The following MEOX2 variants were observed in gnomAD, a reference collection of about 807,000 sequenced individuals.
MEOX2 encodes homeobox protein MOX-2.
In MEOX2, 11 loss-of-function variants were observed where a neutral mutation model predicts 27.0. The observed-to-expected ratio is 0.41, with a 90% CI of 0.26 to 0.68. The LOEUF is 0.68. MEOX2 is among the 30% of genes least tolerant of loss of function. The pLI, the probability that MEOX2 is intolerant of heterozygous loss-of-function variation, is 0.33. For synonymous variants in MEOX2, 189 were observed against 155.4 expected, an observed-to-expected ratio of 1.22 and a Z score of -1.61; for missense variants, 436 against 385.4, an observed-to-expected ratio of 1.13 and a Z score of -1.10.
chr7:15,620,168 G>A (rs1225040259), intron 2 of MEOX2, among the ~76,000 whole-genome samples: 1 of 151,936 alleles, frequency 6.6e-6, no homozygotes, highest in Non-Finnish European at 1.5e-5. Context: ...ACCAGTTGTA[G>A]TCAAATTATT....
intron 1 of MEOX2, among the ~76,000 whole-genome samples, chr7:15,667,289 C>CAAAAAAAAAAAAAAA (rs532691969): frequency 0.1 from 4,072 of 40,832 alleles, 975 homozygotes; most frequent in Non-Finnish European, 0.12. Flanking sequence ...GACTCTGTCT[C>CAAAAAAAAAAAAAAA]AAAAAAAAAA....
At chr7:15,672,719 C>T (rs1036210290) in intron 1 of MEOX2, among the ~76,000 whole-genome samples, 2 of 151,800 alleles carry the variant, frequency 1.3e-5, no homozygotes, top group Non-Finnish European at 2.9e-5. Flanking sequence ...GGTGAAACCC[C>T]ATCTCTACTA....
At chr7:15,666,877 C>A (rs2115387863) in intron 1 of MEOX2, among the ~76,000 whole-genome samples, 1 of 146,066 alleles carries the variant, frequency 6.8e-6, no homozygotes, top group East Asian at 2.0e-4. Flanking sequence ...ATTCCAGGAA[C>A]CCAAAAGCCA....
intron 1 of MEOX2, among the ~76,000 whole-genome samples, chr7:15,671,357 T>C (rs1173110234): frequency 6.6e-6 from 1 of 152,214 alleles, no homozygotes; most frequent in African/African-American, 2.4e-5. Context: ...GAGTCATTGG[T>C]AACCAAACTG....
At chr7:15,655,041 A>G (rs1781797012) in intron 1 of MEOX2, among the ~76,000 whole-genome samples, 1 of 151,746 alleles carries the variant, frequency 6.6e-6, no homozygotes, top group Admixed American at 6.6e-5. Flanking sequence ...TTTTTAAATC[A>G]TAAATTCAAT....
chr7:15,613,861 T>A (rs9638727), intron 2 of MEOX2, among the ~76,000 whole-genome samples: 100,910 of 151,672 alleles, frequency 0.67, 33,818 homozygotes, highest in East Asian at 0.81. Context: ...TTTTTCTATA[T>A]GTAATGCTGC....
intron 1 of MEOX2, among the ~76,000 whole-genome samples, chr7:15,633,789 G>C (rs1781439419): frequency 6.6e-6 from 1 of 151,658 alleles, no homozygotes; most frequent in Non-Finnish European, 1.5e-5. Flanking sequence ...TAGACTCTGG[G>C]TAACTTATGA....
At chr7:15,682,809 T>C (rs772926026) in intron 1 of MEOX2, among the ~76,000 whole-genome samples, 3 of 151,982 alleles carry the variant, frequency 2.0e-5, no homozygotes, top group Non-Finnish European at 2.9e-5. Context: ...TCAGCAGTTG[T>C]AAAGTTTTGA....
rs1208296435 is a variant in MEOX2 at position 15,612,294 on chromosome 7, T to C, written c.*93A>G. 1 of 982,104 alleles carries C rather than the reference T, an allele frequency of 1.0e-6. No individual in the cohort carries two copies. Among genetic ancestry groups the C allele is most frequent in the Non-Finnish European group, 1.6e-6 (1 of 620,186 alleles). The allele number at this position is 982,104 out of a possible 1,614,324, so 60.8% of individuals were successfully genotyped here. A position where few individuals can be genotyped will look rare whatever the true frequency, so the allele number is the denominator to read the frequency against. ...TGGATTTAATAATATTAAACATCAC[T>C]GCCATAGTCATCTCTCTGTGTAAAC... On this transcript the variant is annotated 3_prime_UTR_variant, in exon 3 of 3. Coordinates refer to ENST00000262041, the MANE Select transcript of MEOX2 (RefSeq NM_005924.5).
chr7:15,625,081 A>T (rs1451962765), intron 2 of MEOX2, among the ~76,000 whole-genome samples: 1 of 152,190 alleles, frequency 6.6e-6, no homozygotes, highest in African/African-American at 2.4e-5. Flanking sequence ...CTGAGAGCAC[A>T]GTACTGGATC....
intron 1 of MEOX2, among the ~76,000 whole-genome samples, chr7:15,651,836 A>G (rs1407999706): frequency 6.6e-6 from 1 of 152,068 alleles, no homozygotes; most frequent in East Asian, 1.9e-4. Context: ...CTTCAAAGCC[A>G]TACATGATTT....
chr7:15,675,619 G>T (rs1487187894), intron 1 of MEOX2, among the ~76,000 whole-genome samples: 1 of 152,176 alleles, frequency 6.6e-6, no homozygotes, highest in African/African-American at 2.4e-5. Context: ...CCTCATCTAG[G>T]AAATACATTC....
chr7:15,674,798 G>C (rs1386520282), intron 1 of MEOX2, among the ~76,000 whole-genome samples: 1 of 152,112 alleles, frequency 6.6e-6, no homozygotes, highest in Non-Finnish European at 1.5e-5. Flanking sequence ...CACATTGTGG[G>C]GAAGATGGGT....
intron 2 of MEOX2, among the ~76,000 whole-genome samples, chr7:15,614,613 T>C (rs1365260330): frequency 6.6e-6 from 1 of 152,200 alleles, no homozygotes; most frequent in Non-Finnish European, 1.5e-5. Context: ...AGTTTCCATA[T>C]ATGCATAGCT....
At chr7:15,628,737 T>C (rs1441649756) in intron 1 of MEOX2, among the ~76,000 whole-genome samples, 2 of 152,154 alleles carry the variant, frequency 1.3e-5, no homozygotes, top group Non-Finnish European at 2.9e-5. Flanking sequence ...CAGTCCATCA[T>C]CCAATTGCCT....
At chr7:15,616,196 T>A (rs1781121433) in intron 2 of MEOX2, among the ~76,000 whole-genome samples, 1 of 151,816 alleles carries the variant, frequency 6.6e-6, no homozygotes, top group African/African-American at 2.4e-5. Flanking sequence ...TATATACTAT[T>A]TTATTTAAAA....
intron 1 of MEOX2, among the ~76,000 whole-genome samples, chr7:15,663,564 C>T (rs1781950058): frequency 6.6e-6 from 1 of 152,010 alleles, no homozygotes; most frequent in African/African-American, 2.4e-5. Context: ...TGGTCTCGAA[C>T]TCCTGACCTC....
At position 15,626,661 on chromosome 7, in the gene MEOX2, G is replaced by C. The variant is rs1403913567; in HGVS notation, c.690+85C>G. ...TTCCAAATGGTATTCAAGAATTCTG[G>C]ATCTAGGTATTTCAAATATGGCAAA... is the stretch of plus-strand genomic sequence containing the variant. On this transcript the variant is annotated intron_variant, in intron 2 of 2. Coordinates refer to ENST00000262041, the MANE Select transcript of MEOX2 (RefSeq NM_005924.5). The C allele has an allele frequency of 1.6e-5, 15 of 964,340 alleles. No homozygotes were observed. The South Asian group carries it at 2.4e-4, about 16-fold the overall frequency. 59.7% of individuals were successfully genotyped at this position (964,340 alleles called of 1,614,324 possible). A position where few individuals can be genotyped will look rare whatever the true frequency, so the allele number is the denominator to read the frequency against.
At chr7:15,672,906 G>GA (rs1023624492) in intron 1 of MEOX2, among the ~76,000 whole-genome samples, 2 of 148,238 alleles carry the variant, frequency 1.3e-5, no homozygotes, top group South Asian at 2.1e-4. Flanking sequence ...AAAAAAAAAA[G>GA]AAAAAGAAAA....
Sources: gnomAD v4.1 joint callset for allele counts (sites outside exome capture counted in the v4.1 genomes callset) on GRCh38, gnomAD v4.1.1 for gene constraint, MANE v1.5 for transcripts, NCBI Gene and HGNC (gene_info 2026-07-23, HGNC 2026-07-21) for gene names.